SHISA6: variants seen among roughly 807,000 people sequenced by gnomAD.
SHISA6 encodes protein shisa-6.
A neutral mutation model predicts 47.9 loss-of-function variants in SHISA6; 22 were observed. The ratio of observed to expected loss-of-function variants is 0.46; its 90% confidence interval spans 0.33 to 0.66. The LOEUF (loss-of-function observed/expected upper bound fraction) is 0.66. Among genes scored for constraint, SHISA6 ranks in the 30% least tolerant of loss-of-function variants. The probability of loss-of-function intolerance (pLI) is 0.02; values close to 1 mark genes in which losing one functional copy is unlikely to be tolerated. For missense variants in SHISA6, 680 were observed against 764.6 expected (o/e 0.89, Z 1.30); for synonymous variants, 388 against 337.8 (o/e 1.15, Z -1.63).
intron 3 of SHISA6, among the ~76,000 whole-genome samples, chr17:11,483,256 G>T (rs951724222): frequency 6.6e-6 from 1 of 151,276 alleles, no homozygotes; most frequent in South Asian, 2.1e-4. Context: ...AGCCAAGATC[G>T]TGCCATTGCA....
intron 3 of SHISA6, among the ~76,000 whole-genome samples, chr17:11,425,680 A>G (rs1914591288): frequency 6.6e-6 from 1 of 152,198 alleles, no homozygotes; most frequent in African/African-American, 2.4e-5. Flanking sequence ...TTGGACCTCA[A>G]AAATACTATC....
In SHISA6 at chr17:11,558,254, C is replaced by G; in HGVS notation, c.1606C>G (p.Pro536Ala). The G allele has an allele frequency of 6.5e-7, 1 of 1,539,862 alleles. No individual in the cohort carries two copies. The highest frequency in any genetic ancestry group is 8.7e-7 in the Non-Finnish European group (1 of 1,146,932). Residue 536 changes from proline (P) to alanine (A), a missense_variant, in exon 6 of 6, where the codon CCG becomes GCG. Pro to Ala is a conservative substitution (Grantham distance 27). Coordinates refer to ENST00000441885, the MANE Select transcript of SHISA6 (RefSeq NM_207386.4). Reference sequence around the variant, plus strand: ...CACGGTGGAGCAGCTGCACTACATCCCGGGCCACCACACCTGCTACACAGC... The same window carrying G: ...CACGGTGGAGCAGCTGCACTACATCGCGGGCCACCACACCTGCTACACAGC... ...HNTVEQLHYI[P>A]GHHTCYTASK... is the part of the protein sequence containing the mutation.
chr17:11,511,390 C>T (rs1410456546), intron 3 of SHISA6, among the ~76,000 whole-genome samples: 1 of 152,062 alleles, frequency 6.6e-6, no homozygotes, highest in Non-Finnish European at 1.5e-5. Flanking sequence ...CACCATGGCA[C>T]ATGTATACCT....
At chr17:11,358,121 C>T in intron 2 of SHISA6, among the ~76,000 whole-genome samples, 1 of 152,148 alleles carries the variant, frequency 6.6e-6, no homozygotes, top group East Asian at 1.9e-4. Context: ...CACTGTTGTG[C>T]AAACAATCTC....
At chr17:11,367,503 G>T (rs959713343) in intron 2 of SHISA6, among the ~76,000 whole-genome samples, 1 of 152,164 alleles carries the variant, frequency 6.6e-6, no homozygotes, top group African/African-American at 2.4e-5. Flanking sequence ...GGAATTGGAA[G>T]AACCAACATT....
intron 3 of SHISA6, among the ~76,000 whole-genome samples, chr17:11,392,973 C>A (rs957292757): frequency 5.9e-5 from 9 of 152,350 alleles, no homozygotes; most frequent in East Asian, 3.9e-4. Context: ...GAATCAGTAA[C>A]CCCCTTTTTG....
At chr17:11,453,363 T>C (rs1280682276) in intron 3 of SHISA6, among the ~76,000 whole-genome samples, 3 of 152,158 alleles carry the variant, frequency 2.0e-5, no homozygotes. Flanking sequence ...CCACCCCTCA[T>C]CCTGCCCTAT....
At chr17:11,256,302 C>T (rs1908005158) in intron 1 of SHISA6, among the ~76,000 whole-genome samples, 1 of 152,144 alleles carries the variant, frequency 6.6e-6, no homozygotes, top group South Asian at 2.1e-4. Flanking sequence ...TCGAGACCAG[C>T]CTGGCCAACA....
chr17:11,403,805 C>T (rs536947456), intron 3 of SHISA6, among the ~76,000 whole-genome samples: 2 of 152,352 alleles, frequency 1.3e-5, no homozygotes, highest in East Asian at 1.9e-4. Flanking sequence ...TGTTCTCAAT[C>T]GCCTCCCTCC....
chr17:11,475,620 GGGTATA>G (rs1415374163), intron 3 of SHISA6, among the ~76,000 whole-genome samples: 2 of 151,926 alleles, frequency 1.3e-5, no homozygotes, highest in Non-Finnish European at 2.9e-5. Flanking sequence ...TGCATACCTG[GGGTATA>G]TCCCACTTGG....
intron 3 of SHISA6, among the ~76,000 whole-genome samples, chr17:11,471,951 C>T (rs1407184501): frequency 2.0e-5 from 3 of 152,024 alleles, no homozygotes; most frequent in Non-Finnish European, 4.4e-5. Context: ...ACCATTATCA[C>T]CCAGAGTCCA....
At chr17:11,384,495 C>A (rs1913130016) in intron 3 of SHISA6, among the ~76,000 whole-genome samples, 1 of 152,196 alleles carries the variant, frequency 6.6e-6, no homozygotes, top group African/African-American at 2.4e-5. Flanking sequence ...TCGACTTTGG[C>A]AATTTGGTTA....
At chr17:11,446,537 A>T (rs910809476) in intron 3 of SHISA6, among the ~76,000 whole-genome samples, 1 of 152,256 alleles carries the variant, frequency 6.6e-6, no homozygotes, top group African/African-American at 2.4e-5. Flanking sequence ...CTCCCCAGAA[A>T]GGCAGCTGTC....
chr17:11,424,963 C>T lies in SHISA6; in HGVS notation c.895+45454C>T, dbSNP rs563562043. ...CAGAGCTTGCAGTCAGCAGAGATCG[C>T]GCCACTGCACTCCAGCCTGAGCGAC... is the stretch of plus-strand genomic sequence containing the variant. On this transcript the variant is annotated intron_variant, in intron 3 of 5. Transcript: ENST00000441885. Among the ~76,000 whole-genome samples, 23 of 139,990 alleles carry T rather than the reference C, an allele frequency of 1.6e-4. No homozygotes were observed. The South Asian group carries it at 3.1e-3, about 19-fold the overall frequency. The allele number at this position is 139,990 out of a possible 152,430, so 91.8% of individuals were successfully genotyped here. A position where few individuals can be genotyped will look rare whatever the true frequency, so the allele number is the denominator to read the frequency against.
intron 2 of SHISA6, among the ~76,000 whole-genome samples, chr17:11,342,047 A>G (rs1191694842): frequency 6.6e-6 from 1 of 151,938 alleles, no homozygotes; most frequent in African/African-American, 2.4e-5. Flanking sequence ...TCTCTCTGGC[A>G]AACTTTCCTC....
At chr17:11,546,413 C>G (rs1287842834) in intron 3 of SHISA6, among the ~76,000 whole-genome samples, 1 of 152,112 alleles carries the variant, frequency 6.6e-6, no homozygotes, top group East Asian at 1.9e-4. Context: ...ATGAGGAATC[C>G]CTTTTAGCTA....
At chr17:11,440,899 G>T (rs1915077462) in intron 3 of SHISA6, among the ~76,000 whole-genome samples, 1 of 152,008 alleles carries the variant, frequency 6.6e-6, no homozygotes, top group East Asian at 2.0e-4. Flanking sequence ...AGAGGAGGTG[G>T]GATAAAGATA....
chr17:11,366,632 G>A (rs1211474514), intron 2 of SHISA6, among the ~76,000 whole-genome samples: 1 of 152,204 alleles, frequency 6.6e-6, no homozygotes, highest in Non-Finnish European at 1.5e-5. Context: ...GAGGGATGGT[G>A]GCAGCACTCC....
In SHISA6 at chr17:11,560,793, T is replaced by C. The variant is rs2072035508; in HGVS notation, c.*2489T>C. On this transcript the variant is annotated 3_prime_UTR_variant, in exon 6 of 6. Coordinates refer to ENST00000441885, the MANE Select transcript of SHISA6 (RefSeq NM_207386.4). ...TTCCAAGACATTTCTCATCCCAGCC[T>C]TACCACTGTCTGGCTGAAAGGCTCT... The C allele has an allele frequency of 6.6e-6, 1 of 152,178 alleles. No homozygotes were observed. The highest frequency in any genetic ancestry group is 6.5e-5 in the Admixed American group (1 of 15,278). The allele number at this position is 152,178 out of a possible 1,614,324, so 9.4% of individuals were successfully genotyped here.
Sources: allele counts gnomAD v4.1 joint callset (sites outside exome capture counted in the v4.1 genomes callset), GRCh38; gene constraint gnomAD v4.1.1; transcripts MANE v1.5; gene names NCBI Gene and HGNC (gene_info 2026-07-23, HGNC 2026-07-21).